Variants in CLSTN3 observed in about 807,000 individuals in gnomAD.
CLSTN3 encodes calsyntenin 3.
In CLSTN3, 36 loss-of-function variants were observed where a neutral mutation model predicts 95.9. The ratio of observed to expected loss-of-function variants is 0.38; its 90% CI spans 0.29 to 0.50. CLSTN3 has a LOEUF of 0.50. Among genes scored for constraint, CLSTN3 ranks in the 20% least tolerant of loss-of-function variants. The pLI, the probability that CLSTN3 is intolerant of heterozygous loss-of-function variation, is 0.95. For missense variants in CLSTN3, 1,084 were observed against 1,268.8 expected (o/e 0.85, Z 2.21); for synonymous variants, 481 against 504.0 (o/e 0.95, Z 0.61).
chr12:7,135,739 C>A, intron 4 of CLSTN3, 65 bp from the exon 5 acceptor site: 2 of 1,532,926 alleles, frequency 1.3e-6, no homozygotes, highest in Non-Finnish European at 1.8e-6. Context: ...TCTCAGACAT[C>A]CTCCCCTCCC....
intron 16 of CLSTN3, among the ~76,000 whole-genome samples, chr12:7,154,831 A>G (rs1939788415): frequency 6.6e-6 from 1 of 152,216 alleles, no homozygotes; most frequent in African/African-American, 2.4e-5. Context: ...GGAACAGGTA[A>G]TGATGAAATA....
chr12:7,134,142 T>G (rs938029118), intron 3 of CLSTN3, among the ~76,000 whole-genome samples: 7 of 152,176 alleles, frequency 4.6e-5, no homozygotes, highest in Non-Finnish European at 1.0e-4. Flanking sequence ...CTGATACACG[T>G]TGAAGGGCAC....
intron 12 of CLSTN3, 127 bp from the exon 13 acceptor site, chr12:7,148,845 C>T (rs1261144829): frequency 5.2e-6 from 4 of 774,574 alleles, no homozygotes; most frequent in Admixed American, 4.5e-5. Flanking sequence ...CCCCTTTCTT[C>T]CCCTGCCCCT....
At chr12:7,131,240 C>G (rs1358828598) in intron 1 of CLSTN3, 1 of 219,172 alleles carries the variant, frequency 4.6e-6, no homozygotes, top group Non-Finnish European at 9.3e-6. Context: ...ATCAGCTGGG[C>G]TGTGGGTTAC....
chr12:7,155,568 G>A (rs189624909), intron 16 of CLSTN3, among the ~76,000 whole-genome samples: 1 of 152,370 alleles, frequency 6.6e-6, no homozygotes, highest in Non-Finnish European at 1.5e-5. Flanking sequence ...TGCCAGTGAA[G>A]GCACTGCCCC....
In CLSTN3 at chr12:7,149,680, C is replaced by T; in HGVS notation, c.2232C>T (p.Tyr744=). 1 of 1,613,686 alleles carries T rather than the reference C, an allele frequency of 6.2e-7. No individual in the cohort carries two copies. Among genetic ancestry groups the T allele is most frequent in the Non-Finnish European group, 8.5e-7 (1 of 1,179,738 alleles). The part of the protein sequence containing the change: ...RGLELTNTSA[Y]LTIAGVESIT... ...TGGAGCTCACCAACACATCTGCCTA[C>T]CTCACTATTGCTGGTCAGTGGGGCC... Residue 744 remains tyrosine (Y), a synonymous_variant, in exon 14 of 18, where the codon TAC becomes TAT. Transcript: ENST00000266546. This position sits in a 1 kb window ranked among gnomAD's most constrained non-coding sequence, Gnocchi z 4.5.
chr12:7,135,983 T>C, intron 5 of CLSTN3, 30 bp downstream of exon 5: 3 of 1,569,336 alleles, frequency 1.9e-6, no homozygotes, highest in Non-Finnish European at 2.6e-6. Context: ...CCCCATCTTG[T>C]GAATCATCTT....
rs745878740 is a variant in CLSTN3, at chr12:7,136,864, C to T, written c.964C>T (p.Pro322Ser). 1.9e-6 allele frequency: 3 copies of T among 1,614,012 alleles called. No homozygotes were observed. The highest frequency in any genetic ancestry group is 2.5e-6 in the Non-Finnish European group (3 of 1,180,016). The change falls in exon 7 of 18, where the codon CCT (proline) becomes TCT (serine). Residue 322 changes from proline (P) to serine (S), a missense_variant. Pro to Ser is a moderately conservative substitution (Grantham distance 74). Coordinates refer to ENST00000266546, the MANE Select transcript of CLSTN3 (RefSeq NM_014718.4). ...TGGGGAGGTGGATCTGTTGCCCATG[C>T]CTGGCCCCAATGCCAACTGGACAGC... ...ATGEVDLLPM[P>S]GPNANWTAGL...
Position 7,135,190 on chromosome 12 carries a change from T to C in CLSTN3, c.384-137T>C, listed in dbSNP as rs1398827103. 46 of 784,756 alleles carry C rather than the reference T, an allele frequency of 5.9e-5. 1 individual carries two copies. Among genetic ancestry groups the C allele is most frequent in the Non-Finnish European group, 5.7e-5 (27 of 469,644 alleles). The allele number at this position is 784,756 out of a possible 1,614,324, so 48.6% of individuals were successfully genotyped here. On this transcript the variant is annotated intron_variant, in intron 3 of 17. Transcript: ENST00000266546. ...GTACGGTATCGAACCTGTCCCTCCATGTGCCGTATCAAGGCTGTATCTTGA... is the reference window on the plus strand; with the variant it reads ...GTACGGTATCGAACCTGTCCCTCCACGTGCCGTATCAAGGCTGTATCTTGA...
In CLSTN3 at chr12:7,135,363, G is replaced by A; in HGVS notation, c.420G>A (p.Glu140=). 6.2e-7 allele frequency: 1 copy of A among 1,614,168 alleles called. No individual in the cohort carries two copies. The highest frequency in any genetic ancestry group is 1.1e-5 in the South Asian group (1 of 91,082). Residue 140 remains glutamate, a synonymous_variant, in exon 4 of 18, where the codon GAG becomes GAA. Coordinates refer to ENST00000266546, the MANE Select transcript of CLSTN3 (RefSeq NM_014718.4). Reference sequence around the variant, plus strand: ...ATGTGCGGGTCAACGATGTGAACGAGTTTGCCCCAGTGTTTGTGGAACGGC... The same window carrying A: ...ATGTGCGGGTCAACGATGTGAACGAATTTGCCCCAGTGTTTGTGGAACGGC... ...TVHVRVNDVN[E]FAPVFVERLY... is the part of the protein sequence containing the mutation.
intron 16 of CLSTN3, chr12:7,156,636 G>A: frequency 2.2e-6 from 1 of 456,766 alleles, no homozygotes; most frequent in Admixed American, 2.3e-5. Context: ...GTGCAGCTGT[G>A]TGCCCACACG....
chr12:7,130,389 T>TGGGGTG lies in CLSTN3; in HGVS notation c.-257_-252dup. ...TGACGTCATCCTGCAGTAGCGGGGT[T>TGGGGTG]GGGGTGGGAGTGAGAGAGTGAGGAC... On this transcript the variant is annotated 5_prime_UTR_variant, in exon 1 of 18. Transcript: ENST00000266546. 10 of 1,374,870 alleles carry TGGGGTG rather than the reference T, an allele frequency of 7.3e-6. No homozygotes were observed. The South Asian group carries it at 1.2e-4, about 17-fold the overall frequency. 85.2% of individuals were successfully genotyped at this position (1,374,870 alleles called of 1,614,324 possible). A position where few individuals can be genotyped will look rare whatever the true frequency, so the allele number is the denominator to read the frequency against.
chr12:7,135,071 G>A (rs963567811), intron 3 of CLSTN3, among the ~76,000 whole-genome samples: 2 of 151,986 alleles, frequency 1.3e-5, no homozygotes, highest in African/African-American at 4.8e-5. Flanking sequence ...GTACCGTGTC[G>A]AGGCTGTACC....
Position 7,133,562 on chromosome 12 carries a change from C to T in CLSTN3, c.188-11C>T, listed in dbSNP as rs1331118566. 1.9e-6 allele frequency: 3 copies of T among 1,613,426 alleles called. No homozygotes were observed. The highest frequency in any genetic ancestry group is 2.5e-6 in the Non-Finnish European group (3 of 1,179,768). On this transcript the variant is annotated splice_polypyrimidine_tract_variant and intron_variant, in intron 2 of 17. Transcript: ENST00000266546. The surrounding 1 kb of genome is among the most constrained non-coding windows in gnomAD (Gnocchi z 4.7). ...CAGCAGCCTCACTCCTCCCCTTCTCCCCTTTGCCAGGTGAGATCTGCGGCT... is the reference window on the plus strand; with the variant it reads ...CAGCAGCCTCACTCCTCCCCTTCTCTCCTTTGCCAGGTGAGATCTGCGGCT...
At position 7,137,911 on chromosome 12, in the gene CLSTN3, C is replaced by A; in HGVS notation, c.1211-44C>A. On this transcript the variant is annotated intron_variant, in intron 7 of 17. Coordinates refer to ENST00000266546, the MANE Select transcript of CLSTN3 (RefSeq NM_014718.4). This position sits in a 1 kb window ranked among gnomAD's most constrained non-coding sequence, Gnocchi z 4.4. ...TCCTGCTGCTTTGAACTTGTTCTGG[C>A]CTCAGCCTCTGCACTTGACCCCATC... is the stretch of plus-strand genomic sequence containing the variant. 1 of 1,447,594 alleles carries A rather than the reference C, an allele frequency of 6.9e-7. No individual in the cohort carries two copies. The highest frequency in any genetic ancestry group is 1.4e-5 in the African/African-American group (1 of 71,680). The allele number at this position is 1,447,594 out of a possible 1,614,324, so 89.7% of individuals were successfully genotyped here.
upstream of CLSTN3, chr12:7,129,794 C>T: frequency 6.1e-6 from 6 of 985,730 alleles, no homozygotes; most frequent in South Asian, 4.7e-5. The surrounding 1 kb of genome is among the most constrained non-coding windows in gnomAD (Gnocchi z 5.5). Flanking sequence ...GGAGGCAGGA[C>T]AGGTAGGCAG....
chr12:7,139,660 T>TATTA (rs1939494446), intron 8 of CLSTN3, among the ~76,000 whole-genome samples: 3 of 151,746 alleles, frequency 2.0e-5, no homozygotes, highest in African/African-American at 7.3e-5. Context: ...ATTATTATTT[T>TATTA]TTTTTTTGAG....
chr12:7,155,087 A>G (rs760052422), intron 16 of CLSTN3, among the ~76,000 whole-genome samples: 7 of 152,232 alleles, frequency 4.6e-5, no homozygotes, highest in Non-Finnish European at 7.3e-5. Context: ...GTGTGGGGCC[A>G]TGGACAGGGC....
At position 7,157,919 on chromosome 12, in the gene CLSTN3, CCT is replaced by C. The variant is rs1300152446; in HGVS notation, c.2731-17_2731-16del. On this transcript the variant is annotated intron_variant, in intron 17 of 17. Coordinates refer to ENST00000266546, the MANE Select transcript of CLSTN3 (RefSeq NM_014718.4). The surrounding 1 kb of genome is among the most constrained non-coding windows in gnomAD (Gnocchi z 5.9). Reference sequence around the variant, plus strand: ...TGTGTGCAGGCCATTGATCCCTTCTCCTCTCTGTTCCTGCCCTCCAGTCCTAC... The same window carrying C: ...TGTGTGCAGGCCATTGATCCCTTCTCCTCTGTTCCTGCCCTCCAGTCCTAC... 4 of 1,549,420 alleles carry C rather than the reference CCT, an allele frequency of 2.6e-6. No homozygotes were observed. In the South Asian group the frequency reaches 4.8e-5, roughly 18 times the overall value.
Sources: allele counts gnomAD v4.1 joint callset (sites outside exome capture counted in the v4.1 genomes callset), GRCh38; gene constraint gnomAD v4.1.1; non-coding constraint Gnocchi (gnomAD v3.1); transcripts MANE v1.5; gene names NCBI Gene and HGNC (gene_info 2026-07-23, HGNC 2026-07-21).